GPC5: variants seen among roughly 807,000 people sequenced by gnomAD.
GPC5 encodes the protein glypican-5.
A neutral mutation model predicts 53.9 loss-of-function variants in GPC5; 47 were observed. The observed-to-expected ratio is 0.87, with a 90% CI of 0.69 to 1.11. The LOEUF is 1.11. Ranked by LOEUF, GPC5 falls within the 50% of genes most tolerant of loss-of-function variation. The probability of loss-of-function intolerance (pLI) is 0.00; values close to 1 mark genes in which losing one functional copy is unlikely to be tolerated. For synonymous variants in GPC5, 286 were observed against 263.3 expected, an observed-to-expected ratio of 1.09 and a Z score of -0.84; for missense variants, 748 against 713.1, an observed-to-expected ratio of 1.05 and a Z score of -0.56.
intron 7 of GPC5, among the ~76,000 whole-genome samples, chr13:92,769,927 ACTC>A (rs1004996299): frequency 6.6e-6 from 1 of 151,874 alleles, no homozygotes; most frequent in African/African-American, 2.4e-5. Flanking sequence ...CAGATCTTAA[ACTC>A]CTTTGTGCTT....
At chr13:92,588,412 C>T (rs1274020646) in intron 7 of GPC5, among the ~76,000 whole-genome samples, 4 of 151,702 alleles carry the variant, frequency 2.6e-5, no homozygotes, top group Non-Finnish European at 4.4e-5. Flanking sequence ...GTGTGTTGCT[C>T]TCTGAAACAG....
intron 2 of GPC5, among the ~76,000 whole-genome samples, chr13:91,546,959 A>AAAG (rs1054526423): frequency 2.0e-5 from 3 of 152,042 alleles, no homozygotes; most frequent in African/African-American, 7.2e-5. Flanking sequence ...GTGAGAAGGG[A>AAAG]AAGAAGAAGA....
In GPC5 at chr13:92,352,165, G is replaced by T. The variant is rs143941203; in HGVS notation, c.1561+207176G>T. 3.6e-3 allele frequency among the ~76,000 whole-genome samples: 553 copies of T among 152,150 alleles called. 3 individuals are homozygous for T. The highest frequency in any genetic ancestry group is 0.013 in the African/African-American group (539 of 41,512). On this transcript the variant is annotated intron_variant, in intron 7 of 7. Transcript: ENST00000377067. ...CCTCATTATATGACAAAATTGGCAT[G>T]CCATATCAATGCCACAGAGAAGGGG... is the stretch of plus-strand genomic sequence containing the variant.
intron 7 of GPC5, among the ~76,000 whole-genome samples, chr13:92,773,541 A>C (rs1875686916): frequency 6.6e-6 from 1 of 152,180 alleles, no homozygotes; most frequent in African/African-American, 2.4e-5. Flanking sequence ...ACTAAAATTC[A>C]CCAGATGACG....
At chr13:92,528,994 C>T (rs999354782) in intron 7 of GPC5, among the ~76,000 whole-genome samples, 7 of 151,902 alleles carry the variant, frequency 4.6e-5, no homozygotes, top group African/African-American at 1.7e-4. Flanking sequence ...TATTACTGCA[C>T]CAGTGTCAAT....
chr13:92,195,582 G>A (rs374401938), intron 7 of GPC5, among the ~76,000 whole-genome samples: 54 of 152,092 alleles, frequency 3.6e-4, no homozygotes, highest in African/African-American at 1.2e-3. Flanking sequence ...CTGACACCAC[G>A]TATGTAAATG....
At chr13:92,107,152 G>A (rs1439364061) in intron 6 of GPC5, among the ~76,000 whole-genome samples, 1 of 151,972 alleles carries the variant, frequency 6.6e-6, no homozygotes, top group Non-Finnish European at 1.5e-5. Flanking sequence ...TGTCAGAAAT[G>A]AATTAAAATT....
intron 7 of GPC5, among the ~76,000 whole-genome samples, chr13:92,386,317 A>G (rs1214156792): frequency 6.6e-6 from 1 of 152,052 alleles, no homozygotes; most frequent in Non-Finnish European, 1.5e-5. Flanking sequence ...ATAGAGAAAC[A>G]AAGCAATCCT....
intron 7 of GPC5, among the ~76,000 whole-genome samples, chr13:92,835,611 A>G (rs1878195208): frequency 6.6e-6 from 1 of 151,998 alleles, no homozygotes; most frequent in Non-Finnish European, 1.5e-5. Flanking sequence ...GTAGTGGTTT[A>G]TGTTTTAATT....
chr13:92,741,187 C>T (rs1311688737), intron 7 of GPC5, among the ~76,000 whole-genome samples: 1 of 150,332 alleles, frequency 6.7e-6, no homozygotes, highest in Non-Finnish European at 1.5e-5. Flanking sequence ...GAGGACTTTG[C>T]CAAGCATGTA....
intron 7 of GPC5, among the ~76,000 whole-genome samples, chr13:92,486,911 AG>A (rs1336028800): frequency 1.3e-5 from 2 of 151,608 alleles, no homozygotes; most frequent in Non-Finnish European, 2.9e-5. Flanking sequence ...GCTGGAGTGC[AG>A]AGGCGTTATC....
intron 3 of GPC5, among the ~76,000 whole-genome samples, chr13:91,716,790 G>T (rs440323): frequency 6.6e-6 from 1 of 152,168 alleles, no homozygotes; most frequent in Non-Finnish European, 1.5e-5. Context: ...CAGAAGGAAG[G>T]CATGATATTA....
At chr13:92,220,249 T>A (rs2042439200) in intron 7 of GPC5, among the ~76,000 whole-genome samples, 1 of 151,568 alleles carries the variant, frequency 6.6e-6, no homozygotes, top group Non-Finnish European at 1.5e-5. Flanking sequence ...ACTGGATATA[T>A]AAGAGAAAAG....
intron 6 of GPC5, among the ~76,000 whole-genome samples, chr13:92,102,866 G>T (rs982826161): frequency 6.6e-6 from 1 of 152,136 alleles, no homozygotes. Flanking sequence ...TGAGGTTGTT[G>T]TTTGTTTGTT....
intron 2 of GPC5, among the ~76,000 whole-genome samples, chr13:91,563,759 C>T (rs2031396605): frequency 6.6e-6 from 1 of 152,076 alleles, no homozygotes; most frequent in Non-Finnish European, 1.5e-5. Flanking sequence ...TCCCTTCCCT[C>T]CTCAGGCTTT....
At chr13:92,547,592 A>G (rs1395842311) in intron 7 of GPC5, among the ~76,000 whole-genome samples, 1 of 152,160 alleles carries the variant, frequency 6.6e-6, no homozygotes, top group East Asian at 1.9e-4. Context: ...GACTGGATAC[A>G]TTAATTATGC....
At chr13:92,519,150 G>A (rs533327959) in intron 7 of GPC5, among the ~76,000 whole-genome samples, 260 of 152,284 alleles carry the variant, frequency 1.7e-3, no homozygotes, top group Middle Eastern at 0.01. Flanking sequence ...GATCTACAAA[G>A]AGACTTAGAC....
intron 2 of GPC5, among the ~76,000 whole-genome samples, chr13:91,648,026 G>A (rs1357624378): frequency 6.6e-6 from 1 of 152,180 alleles, no homozygotes. Flanking sequence ...GCTGCTAAAG[G>A]AGCCTCCTCT....
chr13:92,278,893 A>G (rs550867602), intron 7 of GPC5, among the ~76,000 whole-genome samples: 2 of 152,168 alleles, frequency 1.3e-5, no homozygotes, highest in South Asian at 2.1e-4. Context: ...CTATATGTCT[A>G]TCCTTCTGCT....
Sources: gnomAD v4.1 joint callset for allele counts (sites outside exome capture counted in the v4.1 genomes callset) on GRCh38, gnomAD v4.1.1 for gene constraint, MANE v1.5 for transcripts, NCBI Gene and HGNC (gene_info 2026-07-23, HGNC 2026-07-21) for gene names.